CNTN6: variants seen among roughly 807,000 people sequenced by gnomAD.
CNTN6 encodes contactin-6.
CNTN6 carries 137 observed loss-of-function variants against 122.8 expected under a neutral mutation model. The ratio of observed to expected loss-of-function variants is 1.12; its 90% CI spans 0.97 to 1.29. The LOEUF is 1.29. CNTN6 is among the 50% of genes most tolerant of loss of function. The pLI is 0.00. For synonymous variants in CNTN6, 570 were observed against 426.0 expected, an observed-to-expected ratio of 1.34 and a Z score of -4.16; for missense variants, 1,634 against 1,223.4, an observed-to-expected ratio of 1.34 and a Z score of -5.01.
intron 2 of CNTN6, among the ~76,000 whole-genome samples, chr3:1,216,007 AT>A (rs1228738731): frequency 6.6e-6 from 1 of 152,126 alleles, no homozygotes; most frequent in Non-Finnish European, 1.5e-5. Context: ...CCAGATTATT[AT>A]TGGAAGAGAC....
chr3:1,202,311 C>T (rs999404854), intron 2 of CNTN6, among the ~76,000 whole-genome samples: 4 of 152,154 alleles, frequency 2.6e-5, no homozygotes, highest in African/African-American at 7.2e-5. Context: ...AAGGCCGAGG[C>T]GGGCGGATCA....
chr3:1,271,420 C>G (rs80152428), intron 4 of CNTN6, among the ~76,000 whole-genome samples: 87 of 152,202 alleles, frequency 5.7e-4, no homozygotes, highest in African/African-American at 2.0e-3. Flanking sequence ...GAGCCATATA[C>G]CCAATATTTC....
At chr3:1,142,838 G>A (rs1473641286) in intron 1 of CNTN6, among the ~76,000 whole-genome samples, 10 of 151,740 alleles carry the variant, frequency 6.6e-5, no homozygotes, top group Admixed American at 5.9e-4. Flanking sequence ...AATGGGGTAC[G>A]AATTCGTATG....
intron 2 of CNTN6, among the ~76,000 whole-genome samples, chr3:1,170,093 C>G (rs900415521): frequency 6.6e-6 from 1 of 151,574 alleles, no homozygotes; most frequent in Non-Finnish European, 1.5e-5. Context: ...AAAAATTAGC[C>G]GGATGTGGTG....
intron 2 of CNTN6, among the ~76,000 whole-genome samples, chr3:1,199,562 A>G (rs1179114412): frequency 6.6e-6 from 1 of 152,092 alleles, no homozygotes; most frequent in South Asian, 2.1e-4. Context: ...GTATTTTTAA[A>G]TGGCTATTTG....
chr3:1,100,296 A>T (rs1241880615), intron 1 of CNTN6, among the ~76,000 whole-genome samples: 1 of 152,146 alleles, frequency 6.6e-6, no homozygotes, highest in Non-Finnish European at 1.5e-5. Flanking sequence ...TATGTGGAAG[A>T]TACTTTTCTC....
At chr3:1,319,341 C>T (rs548489398) in intron 7 of CNTN6, among the ~76,000 whole-genome samples, 3 of 151,766 alleles carry the variant, frequency 2.0e-5, no homozygotes, top group African/African-American at 7.2e-5. Context: ...AGCTCCGCCT[C>T]TTTAGCTTTA....
chr3:1,109,503 G>A (rs1475108652), intron 1 of CNTN6, among the ~76,000 whole-genome samples: 2 of 151,786 alleles, frequency 1.3e-5, no homozygotes, highest in African/African-American at 2.4e-5. Context: ...AAGTTTCTCT[G>A]TGTGGCAATA....
chr3:1,099,388 T>C (rs559552571), intron 1 of CNTN6, among the ~76,000 whole-genome samples: 23 of 152,140 alleles, frequency 1.5e-4, no homozygotes, highest in South Asian at 4.2e-4. Flanking sequence ...GGGGCGGAGC[T>C]TGCAGTGAGC....
At chr3:1,317,593 G>C (rs1700271010) in intron 7 of CNTN6, among the ~76,000 whole-genome samples, 1 of 151,622 alleles carries the variant, frequency 6.6e-6, no homozygotes, top group Non-Finnish European at 1.5e-5. Flanking sequence ...TCTCTATTTG[G>C]TGGAAAATTA....
chr3:1,127,569 G>C (rs761909783), intron 1 of CNTN6, among the ~76,000 whole-genome samples: 1 of 151,850 alleles, frequency 6.6e-6, no homozygotes, highest in Non-Finnish European at 1.5e-5. Context: ...CCAATAATTT[G>C]ATTCAACCAA....
intron 2 of CNTN6, among the ~76,000 whole-genome samples, chr3:1,178,739 G>A (rs143970492): frequency 1.3e-5 from 2 of 152,162 alleles, no homozygotes; most frequent in Non-Finnish European, 2.9e-5. Flanking sequence ...TAGTGTGGAA[G>A]TTTGAGCAAT....
intron 2 of CNTN6, among the ~76,000 whole-genome samples, chr3:1,193,556 G>C (rs904092547): frequency 5.9e-5 from 9 of 152,074 alleles, no homozygotes; most frequent in African/African-American, 2.2e-4. Context: ...GGATGTTCCT[G>C]CATATTATTT....
intron 11 of CNTN6, among the ~76,000 whole-genome samples, chr3:1,336,930 AAGAG>A (rs1281817243): frequency 6.6e-6 from 1 of 152,022 alleles, no homozygotes; most frequent in African/African-American, 2.4e-5. Context: ...AAGCCAAAGT[AAGAG>A]AGAAGGAAAT....
chr3:1,170,957 G>T (rs1374512463), intron 2 of CNTN6, among the ~76,000 whole-genome samples: 1 of 152,196 alleles, frequency 6.6e-6, no homozygotes, highest in Non-Finnish European at 1.5e-5. Context: ...AGAATGCAAA[G>T]TGCGTAGAAA....
intron 4 of CNTN6, among the ~76,000 whole-genome samples, chr3:1,273,535 C>G (rs923767710): frequency 4.6e-5 from 7 of 152,170 alleles, no homozygotes; most frequent in Non-Finnish European, 7.4e-5. Context: ...ATTTGAAATA[C>G]AGATTGGATC....
At chr3:1,289,798 C>A (rs1192133673) in intron 5 of CNTN6, among the ~76,000 whole-genome samples, 2 of 151,862 alleles carry the variant, frequency 1.3e-5, no homozygotes, top group Non-Finnish European at 2.9e-5. Context: ...CCTCAGTCTC[C>A]CCAGCAGCTG....
intron 1 of CNTN6, among the ~76,000 whole-genome samples, chr3:1,098,148 GT>G (rs1245021389): frequency 9.2e-5 from 14 of 151,972 alleles, no homozygotes; most frequent in African/African-American, 3.4e-4. Context: ...TGACGAGTTA[GT>G]GGGTGCAGTG....
At chr3:1,391,955 A>G (rs925501574) in intron 20 of CNTN6, among the ~76,000 whole-genome samples, 8 of 152,232 alleles carry the variant, frequency 5.3e-5, no homozygotes, top group African/African-American at 1.7e-4. Context: ...AGGAAGAATC[A>G]ATATCATGAA....
Sources: gnomAD v4.1 joint callset for allele counts (sites outside exome capture counted in the v4.1 genomes callset) on GRCh38, gnomAD v4.1.1 for gene constraint, MANE v1.5 for transcripts, NCBI Gene and HGNC (gene_info 2026-07-23, HGNC 2026-07-21) for gene names.